The following CPO variants were observed in gnomAD, a reference collection of about 807,000 sequenced individuals.
The protein encoded by CPO is carboxypeptidase O, also known as metallocarboxypeptidase C.
A neutral mutation model predicts 41.2 loss-of-function variants in CPO; 43 were observed. That is an observed-to-expected ratio of 1.04 (90% CI 0.82 to 1.35). The LOEUF (loss-of-function observed/expected upper bound fraction) is 1.35, where lower values mean the gene tolerates loss of function less well. Among genes scored for constraint, CPO ranks in the 40% most tolerant of loss-of-function variants. The pLI, the probability that CPO is intolerant of heterozygous loss-of-function variation, is 0.00. For missense variants in CPO, 408 were observed against 451.7 expected, an observed-to-expected ratio of 0.90 and a Z score of 0.88; for synonymous variants, 178 against 162.7, an observed-to-expected ratio of 1.09 and a Z score of -0.72.
rs527708766 is a variant in CPO at position 206,952,781 on chromosome 2, T to C, written c.166-2682T>C. On this transcript the variant is annotated intron_variant, in intron 2 of 8. Transcript: ENST00000272852. ...GTGTATTAGTCTGTTCTCATGCTGCTGTAAGGACATACCCGAGACTGGGTA... is the reference window on the plus strand; with the variant it reads ...GTGTATTAGTCTGTTCTCATGCTGCCGTAAGGACATACCCGAGACTGGGTA... 1.1e-4 allele frequency among the ~76,000 whole-genome samples: 16 copies of C among 152,318 alleles called. No homozygotes were observed. The South Asian group carries it at 2.9e-3, about 28-fold the overall frequency.
intron 2 of CPO, 144 bp downstream of exon 2, chr2:206,949,857 T>C: frequency 4.2e-6 from 2 of 471,600 alleles, no homozygotes; most frequent in Non-Finnish European, 7.7e-6. Flanking sequence ...GTTCAAGGGA[T>C]TCCTGAACAT....
intron 7 of CPO, among the ~76,000 whole-genome samples, chr2:206,967,475 T>G (rs547659930): frequency 2.6e-5 from 4 of 151,736 alleles, no homozygotes; most frequent in South Asian, 2.1e-4. Flanking sequence ...TGGGGAGAGA[T>G]AGAATCCAGT....
intron 8 of CPO, among the ~76,000 whole-genome samples, chr2:206,968,676 G>T (rs1053392595): frequency 2.4e-4 from 37 of 152,200 alleles, no homozygotes; most frequent in African/African-American, 8.7e-4. Flanking sequence ...AGTCAATTCA[G>T]TTCCCAGAGG....
intron 1 of CPO, among the ~76,000 whole-genome samples, chr2:206,940,741 G>T (rs1356593371): frequency 1.3e-5 from 2 of 151,876 alleles, no homozygotes; most frequent in Non-Finnish European, 2.9e-5. Context: ...GGTTATAATT[G>T]GTATTTCCTC....
intron 1 of CPO, among the ~76,000 whole-genome samples, chr2:206,941,731 C>A (rs1693033086): frequency 6.6e-6 from 1 of 152,002 alleles, no homozygotes; most frequent in South Asian, 2.1e-4. Flanking sequence ...ATGTTAGCTG[C>A]AATTTTTGAT....
chr2:206,962,969 G>A (rs1032909371), intron 7 of CPO, among the ~76,000 whole-genome samples: 2 of 152,164 alleles, frequency 1.3e-5, no homozygotes, highest in African/African-American at 2.4e-5. Context: ...CTTTTGAACC[G>A]TGCTTTCAAG....
At chr2:206,945,045 A>C (rs1433148216) in intron 1 of CPO, among the ~76,000 whole-genome samples, 2 of 152,130 alleles carry the variant, frequency 1.3e-5, no homozygotes, top group Non-Finnish European at 2.9e-5. Context: ...CTTACTAGGA[A>C]TTGACTATAT....
At chr2:206,946,242 G>A (rs1693143088) in intron 1 of CPO, among the ~76,000 whole-genome samples, 1 of 152,016 alleles carries the variant, frequency 6.6e-6, no homozygotes, top group Non-Finnish European at 1.5e-5. Context: ...TGAAATAGTA[G>A]CAAATCAAAT....
intron 7 of CPO, among the ~76,000 whole-genome samples, chr2:206,962,968 C>T (rs567339306): frequency 1.6e-4 from 24 of 152,270 alleles, no homozygotes; most frequent in Middle Eastern, 3.4e-3. Context: ...GCTTTTGAAC[C>T]GTGCTTTCAA....
chr2:206,951,783 G>A (rs1693269157), intron 2 of CPO, among the ~76,000 whole-genome samples: 1 of 152,180 alleles, frequency 6.6e-6, no homozygotes. Flanking sequence ...TATCTATCTT[G>A]TAGCATTGTT....
At chr2:206,941,669 A>T (rs1321812202) in intron 1 of CPO, among the ~76,000 whole-genome samples, 1 of 152,126 alleles carries the variant, frequency 6.6e-6, no homozygotes. Context: ...ATTATTAGTT[A>T]TTGATATAAA....
chr2:206,954,251 A>G (rs1693318026), intron 2 of CPO, among the ~76,000 whole-genome samples: 1 of 152,108 alleles, frequency 6.6e-6, no homozygotes, highest in Non-Finnish European at 1.5e-5. Context: ...TCAGGCTGCA[A>G]ATTTTCCAAA....
chr2:206,949,737 G>A (rs755255353), intron 2 of CPO, 24 bp downstream of exon 2: 9 of 1,506,054 alleles, frequency 6.0e-6, no homozygotes, highest in Admixed American at 5.0e-5. Flanking sequence ...CATGGCAGGA[G>A]GTTGGTGGTT....
chr2:206,969,262 T>C lies in CPO; in HGVS notation c.951T>C (p.Tyr317=). ...TTGAGCTGAGGGACAGTGGAACATA[T>C]GGGTTTGTTCTGCCAGAAGCTCAGA... is the stretch of plus-strand genomic sequence containing the variant. The part of the protein sequence containing the change: ...YTFELRDSGT[Y]GFVLPEAQIQ... The change falls in exon 9 of 9, where the codon TAT becomes TAC. Residue 317 remains tyrosine, a synonymous_variant. Coordinates refer to ENST00000272852, the MANE Select transcript of CPO (RefSeq NM_173077.3). 6.2e-7 allele frequency: 1 copy of C among 1,614,086 alleles called. No homozygotes were observed. Among genetic ancestry groups the C allele is most frequent in the South Asian group, 1.1e-5 (1 of 91,074 alleles).
At chr2:206,943,433 A>C (rs1693065238) in intron 1 of CPO, among the ~76,000 whole-genome samples, 1 of 151,968 alleles carries the variant, frequency 6.6e-6, no homozygotes, top group Non-Finnish European at 1.5e-5. Context: ...AAAGGGTTAA[A>C]ATGATTTTTC....
intron 4 of CPO, 63 bp from the exon 5 acceptor site, chr2:206,959,568 G>T (rs1574353989): frequency 1.3e-6 from 1 of 799,626 alleles, no homozygotes; most frequent in Non-Finnish European, 2.2e-6. Context: ...GTTGAAATTG[G>T]TAGAAAATTA....
At chr2:206,960,452 G>T (rs1166053726) in intron 5 of CPO, among the ~76,000 whole-genome samples, 1 of 152,094 alleles carries the variant, frequency 6.6e-6, no homozygotes, top group Non-Finnish European at 1.5e-5. Context: ...GACCATCTCT[G>T]ACACACCTGG....
intron 1 of CPO, among the ~76,000 whole-genome samples, chr2:206,943,764 AGATAGAT>A (rs1170545450): frequency 2.6e-4 from 38 of 147,922 alleles, no homozygotes; most frequent in African/African-American, 9.2e-4. Flanking sequence ...ATAGATAGAT[AGATAGAT>A]AGATAGATGA....
At chr2:206,950,065 G>A (rs1369579004) in intron 2 of CPO, among the ~76,000 whole-genome samples, 3 of 152,166 alleles carry the variant, frequency 2.0e-5, no homozygotes, top group African/African-American at 7.2e-5. Flanking sequence ...GTTTATATGG[G>A]TGTGAGGTGG....
Sources: allele counts gnomAD v4.1 joint callset (sites outside exome capture counted in the v4.1 genomes callset), GRCh38; gene constraint gnomAD v4.1.1; transcripts MANE v1.5; gene names NCBI Gene and HGNC (gene_info 2026-07-23, HGNC 2026-07-21).